CEP57L1: variants seen among roughly 807,000 people sequenced by gnomAD.
The protein encoded by CEP57L1 is centrosomal protein 57 like 1.
In CEP57L1, 37 loss-of-function variants were observed where a neutral mutation model predicts 61.0. The ratio of observed to expected loss-of-function variants is 0.61; its 90% confidence interval spans 0.47 to 0.80. The LOEUF is 0.80. Among genes scored for constraint, CEP57L1 ranks in the 30% least tolerant of loss-of-function variants. The probability of loss-of-function intolerance (pLI) is 0.00; values close to 1 mark genes in which losing one functional copy is unlikely to be tolerated. For missense variants in CEP57L1, 422 were observed against 524.7 expected (o/e 0.80, Z 1.91); for synonymous variants, 137 against 162.3 (o/e 0.84, Z 1.19).
intron 1 of CEP57L1, among the ~76,000 whole-genome samples, chr6:109,125,465 A>C (rs1362152990): frequency 6.7e-6 from 1 of 149,306 alleles, no homozygotes; most frequent in African/African-American, 2.5e-5. Flanking sequence ...TGTAGCAACT[A>C]ATCTGAGTGC....
chr6:109,167,492 G>C lies in CEP57L1; in HGVS notation c.*4522G>C, dbSNP rs1403627607. Among the ~76,000 whole-genome samples, 1 of 152,020 alleles carries C rather than the reference G, an allele frequency of 6.6e-6. No homozygotes were observed. Among genetic ancestry groups the C allele is most frequent in the Non-Finnish European group, 1.5e-5 (1 of 68,008 alleles). On this transcript the variant is annotated 3_prime_UTR_variant, in exon 11 of 11. Coordinates refer to ENST00000517392, the MANE Select transcript of CEP57L1 (RefSeq NM_001271852.3). ...AAGTCAGGAGTTCAACACCAGCCTGGCCAATGTAGTGAAACCCTGTCTCTA... is the reference window on the plus strand; with the variant it reads ...AAGTCAGGAGTTCAACACCAGCCTGCCCAATGTAGTGAAACCCTGTCTCTA...
At chr6:109,139,524 T>A (rs532326229) in intron 1 of CEP57L1, among the ~76,000 whole-genome samples, 9 of 151,900 alleles carry the variant, frequency 5.9e-5, no homozygotes, top group African/African-American at 1.9e-4. Flanking sequence ...TCTCCCAGGC[T>A]GGAGTGCAGT....
In CEP57L1 at chr6:109,167,545, G is replaced by A. The variant is rs932600791; in HGVS notation, c.*4575G>A. On this transcript the variant is annotated 3_prime_UTR_variant, in exon 11 of 11. Transcript: ENST00000517392. ...AAAAATAAAAAAAAATTAGCTGGGT[G>A]TGGTAGCATGCAGTCCAGCTACTCG... 1.3e-5 allele frequency among the ~76,000 whole-genome samples: 2 copies of A among 152,190 alleles called. No homozygotes were observed. The highest frequency in any genetic ancestry group is 2.9e-5 in the Non-Finnish European group (2 of 68,000).
intron 1 of CEP57L1, among the ~76,000 whole-genome samples, chr6:109,144,560 A>G (rs1395890671): frequency 6.6e-6 from 1 of 152,120 alleles, no homozygotes. Flanking sequence ...ACCTGCTTAA[A>G]TGGTTAAAAG....
Position 109,160,722 on chromosome 6 carries a change from A to T in CEP57L1, c.1161+6A>T. 1 of 1,577,478 alleles carries T rather than the reference A, an allele frequency of 6.3e-7. No individual in the cohort carries two copies. Among genetic ancestry groups the T allele is most frequent in the Non-Finnish European group, 8.5e-7 (1 of 1,169,900 alleles). On this transcript the variant is annotated splice_donor_region_variant and intron_variant, in intron 10 of 10. Coordinates refer to ENST00000517392, the MANE Select transcript of CEP57L1 (RefSeq NM_001271852.3). ...TGAAGAAGCATCAAGACAGTGTAAG[A>T]AGGCTTTAGTAAGAGATTTTAATAA...
chr6:109,101,155 A>G (rs1174759456), intron 1 of CEP57L1, among the ~76,000 whole-genome samples: 1 of 152,174 alleles, frequency 6.6e-6, no homozygotes, highest in South Asian at 2.1e-4. Context: ...GCAACATATC[A>G]ATAGATGTTA....
chr6:109,142,816 C>A (rs1562112420), intron 1 of CEP57L1, among the ~76,000 whole-genome samples: 1 of 152,102 alleles, frequency 6.6e-6, no homozygotes, highest in Non-Finnish European at 1.5e-5. Context: ...TTAGGTACTT[C>A]TCTGTATTTT....
intron 1 of CEP57L1, among the ~76,000 whole-genome samples, chr6:109,127,393 A>G (rs994127446): frequency 6.6e-6 from 1 of 151,996 alleles, no homozygotes; most frequent in Admixed American, 6.5e-5. Context: ...GTAATTGCAA[A>G]TTCAGTCAGA....
intron 1 of CEP57L1, among the ~76,000 whole-genome samples, chr6:109,112,087 C>G (rs1303168262): frequency 6.6e-6 from 1 of 152,160 alleles, no homozygotes; most frequent in East Asian, 1.9e-4. Context: ...GGAATAATTT[C>G]AGAAGGAATG....
rs1291534288 is a variant in CEP57L1, at chr6:109,133,352, G to C, written c.-3-11867G>C. 2.0e-5 allele frequency among the ~76,000 whole-genome samples: 3 copies of C among 152,140 alleles called. No homozygotes were observed. In the East Asian group the frequency reaches 5.8e-4, roughly 29 times the overall value. On this transcript the variant is annotated intron_variant, in intron 1 of 10. Coordinates refer to ENST00000517392, the MANE Select transcript of CEP57L1 (RefSeq NM_001271852.3). ...GCAGCCTAGATCCCTGATATGCGCAGTTCACAATAGGGTTTGCGCTCCTAT... is the reference window on the plus strand; with the variant it reads ...GCAGCCTAGATCCCTGATATGCGCACTTCACAATAGGGTTTGCGCTCCTAT...
At position 109,159,001 on chromosome 6, in the gene CEP57L1, C is replaced by T. The variant is rs373107415; in HGVS notation, c.745-24C>T. On this transcript the variant is annotated intron_variant, in intron 7 of 10. Coordinates refer to ENST00000517392, the MANE Select transcript of CEP57L1 (RefSeq NM_001271852.3). ...AACTTTTAAAATAATTTCTTGTTTA[C>T]GTTTTTTTCTTGCCAATCTCTAGAA... The T allele has an allele frequency of 7.3e-4, 1,149 of 1,584,358 alleles. 19 individuals are homozygous for T. The South Asian group carries it at 0.011, about 15-fold the overall frequency.
Position 109,165,668 on chromosome 6 carries a change from G to C in CEP57L1, c.*2698G>C, listed in dbSNP as rs1396250834. Among the ~76,000 whole-genome samples, 2 of 152,176 alleles carry C rather than the reference G, an allele frequency of 1.3e-5. No homozygotes were observed. Among genetic ancestry groups the C allele is most frequent in the African/African-American group, 4.8e-5 (2 of 41,436 alleles). Reference sequence around the variant, plus strand: ...AGCAAATAGGTTTGGAGTATGGTGTGGTTGTTGAGGTGACATTTATTATTG... The same window carrying C: ...AGCAAATAGGTTTGGAGTATGGTGTCGTTGTTGAGGTGACATTTATTATTG... On this transcript the variant is annotated 3_prime_UTR_variant, in exon 11 of 11. Coordinates refer to ENST00000517392, the MANE Select transcript of CEP57L1 (RefSeq NM_001271852.3).
intron 4 of CEP57L1, among the ~76,000 whole-genome samples, chr6:109,153,090 A>G (rs901383551): frequency 1.5e-4 from 23 of 151,588 alleles, no homozygotes; most frequent in African/African-American, 5.6e-4. Context: ...CAGCCTGGGC[A>G]ACAGCAAGAC....
At chr6:109,158,382 G>A (rs992249129) in intron 7 of CEP57L1, 3 of 278,846 alleles carry the variant, frequency 1.1e-5, no homozygotes, top group Non-Finnish European at 2.1e-5. Context: ...CCAGCTACTC[G>A]GGAGACAAAA....
At chr6:109,157,200 CG>C in intron 7 of CEP57L1, 1 of 152,212 alleles carries the variant, frequency 6.6e-6, no homozygotes, top group South Asian at 2.1e-4. Context: ...CCCAAGTTCA[CG>C]GGGTATGCAA....
chr6:109,105,085 G>A lies in CEP57L1; in HGVS notation c.-4+9510G>A, dbSNP rs114011711. Reference sequence around the variant, plus strand: ...TTTGTGTTTTTCTTAATAATTTATAGGATAGAACTTGTTTCTGTATTTCAG... The same window carrying A: ...TTTGTGTTTTTCTTAATAATTTATAAGATAGAACTTGTTTCTGTATTTCAG... On this transcript the variant is annotated intron_variant, in intron 1 of 10. Transcript: ENST00000517392. Among the ~76,000 whole-genome samples, 1,263 of 151,854 alleles carry A rather than the reference G, an allele frequency of 8.3e-3. 24 individuals carry two copies. Among genetic ancestry groups the A allele is most frequent in the African/African-American group, 0.029 (1,212 of 41,416 alleles).
chr6:109,122,205 G>A (rs1369197888), intron 1 of CEP57L1, among the ~76,000 whole-genome samples: 2 of 152,054 alleles, frequency 1.3e-5, no homozygotes, highest in Non-Finnish European at 2.9e-5. Context: ...GTCTTTGTTG[G>A]TTTTGCTGTG....
chr6:109,120,194 T>C (rs1772790095), intron 1 of CEP57L1, among the ~76,000 whole-genome samples: 1 of 151,810 alleles, frequency 6.6e-6, no homozygotes, highest in Non-Finnish European at 1.5e-5. Flanking sequence ...CCCCAAGGAG[T>C]TTTGCTGCAG....
intron 4 of CEP57L1, among the ~76,000 whole-genome samples, chr6:109,150,806 A>G (rs951815150): frequency 1.3e-5 from 2 of 152,206 alleles, no homozygotes; most frequent in Non-Finnish European, 2.9e-5. Context: ...AAGGTGTTAA[A>G]AGAAAATAAG....
Sources: allele counts gnomAD v4.1 joint callset (sites outside exome capture counted in the v4.1 genomes callset), GRCh38; gene constraint gnomAD v4.1.1; transcripts MANE v1.5; gene names NCBI Gene and HGNC (gene_info 2026-07-23, HGNC 2026-07-21).